The following PITPNC1 variants were observed in gnomAD, a reference collection of about 807,000 sequenced individuals.
PITPNC1 encodes cytoplasmic phosphatidylinositol transfer protein 1.
A neutral mutation model predicts 44.7 loss-of-function variants in PITPNC1; 18 were observed. That is an observed-to-expected ratio of 0.40 (90% confidence interval 0.28 to 0.60). The LOEUF is 0.60. PITPNC1 is among the 20% of genes least tolerant of loss of function. PITPNC1 has a pLI of 0.39. For synonymous variants in PITPNC1, 141 were observed against 149.6 expected, an observed-to-expected ratio of 0.94 and a Z score of 0.42; for missense variants, 290 against 418.4, an observed-to-expected ratio of 0.69 and a Z score of 2.68.
At chr17:67,631,657 A>AAAAAATATATATATATAT (rs1555574522) in intron 5 of PITPNC1, among the ~76,000 whole-genome samples, 8 of 7,680 alleles carry the variant, frequency 1.0e-3, no homozygotes, top group Admixed American at 2.2e-3. Flanking sequence ...AAAAAAAAAA[A>AAAAAATATATATATATAT]ATATATATAT....
chr17:67,655,744 G>A (rs995721670), intron 6 of PITPNC1, among the ~76,000 whole-genome samples: 2 of 151,830 alleles, frequency 1.3e-5, no homozygotes, highest in Admixed American at 6.6e-5. Context: ...GACCAACATG[G>A]GCAACATAAT....
At position 67,378,106 on chromosome 17, in the gene PITPNC1, T is replaced by TG; in HGVS notation, c.-44dup. 2.1e-6 allele frequency: 3 copies of TG among 1,410,872 alleles called. No individual in the cohort carries two copies. The highest frequency in any genetic ancestry group is 2.6e-5 in the South Asian group (2 of 77,184). 87.4% of individuals were successfully genotyped at this position (1,410,872 alleles called of 1,614,324 possible). On this transcript the variant is annotated 5_prime_UTR_variant, in exon 1 of 9. Transcript: ENST00000581322. The stretch of plus-strand genomic sequence containing the variant: ...GCCTGGGCAGCAGCCTTGCTGGTCT[T>TG]GGGGGCGCCCCCCGCTTCCCGCCCC...
In PITPNC1 at chr17:67,660,446, A is replaced by G. The variant is rs181667890; in HGVS notation, c.463-9062A>G. Among the ~76,000 whole-genome samples, 683 of 152,258 alleles carry G rather than the reference A, an allele frequency of 4.5e-3. 2 individuals carry two copies. Among genetic ancestry groups the G allele is most frequent in the Non-Finnish European group, 5.9e-3 (401 of 68,030 alleles). ...GGAAATGCAATAATGGCTAACATCA[A>G]TTGAGCACTTGCTACGGGCCAGGCC... is the stretch of plus-strand genomic sequence containing the variant. On this transcript the variant is annotated intron_variant, in intron 6 of 8. Coordinates refer to ENST00000581322, the MANE Select transcript of PITPNC1 (RefSeq NM_012417.4).
intron 4 of PITPNC1, among the ~76,000 whole-genome samples, chr17:67,555,301 G>A (rs940497970): frequency 6.6e-6 from 1 of 152,122 alleles, no homozygotes; most frequent in Non-Finnish European, 1.5e-5. Flanking sequence ...TTTCTGTTTT[G>A]TGAGTCATAT....
intron 1 of PITPNC1, among the ~76,000 whole-genome samples, chr17:67,465,371 G>C (rs2039410366): frequency 6.6e-6 from 1 of 152,190 alleles, no homozygotes; most frequent in Non-Finnish European, 1.5e-5. Flanking sequence ...AATGCACTAA[G>C]GAAATACAGT....
At chr17:67,668,601 C>T (rs758722457) in intron 6 of PITPNC1, among the ~76,000 whole-genome samples, 1 of 152,104 alleles carries the variant, frequency 6.6e-6, no homozygotes, top group African/African-American at 2.4e-5. Flanking sequence ...CGGTGGCTCA[C>T]ACCTGTAATC....
intron 1 of PITPNC1, among the ~76,000 whole-genome samples, chr17:67,388,872 G>A (rs2038094488): frequency 6.6e-6 from 1 of 152,112 alleles, no homozygotes; most frequent in Non-Finnish European, 1.5e-5. Flanking sequence ...CACCCGCCTC[G>A]GCCTCCCAAA....
chr17:67,509,055 G>A (rs1006170990), intron 1 of PITPNC1, among the ~76,000 whole-genome samples: 5 of 151,792 alleles, frequency 3.3e-5, no homozygotes, highest in Non-Finnish European at 7.4e-5. Context: ...CCAACATGGT[G>A]AAACTCCGTC....
At chr17:67,686,426 A>T (rs2042817075) in intron 8 of PITPNC1, among the ~76,000 whole-genome samples, 1 of 151,986 alleles carries the variant, frequency 6.6e-6, no homozygotes, top group South Asian at 2.1e-4. Flanking sequence ...TTTTATTTTT[A>T]GATCAGTGTG....
chr17:67,646,665 C>T (rs2042153300), intron 6 of PITPNC1, among the ~76,000 whole-genome samples: 1 of 152,120 alleles, frequency 6.6e-6, no homozygotes, highest in South Asian at 2.1e-4. Flanking sequence ...CAGCACATGC[C>T]ACCACACCAG....
rs959952399 is a variant in PITPNC1 at position 67,686,563 on chromosome 17, A to G, written c.683-6009A>G. Among the ~76,000 whole-genome samples, 5 of 152,028 alleles carry G rather than the reference A, an allele frequency of 3.3e-5. No individual in the cohort carries two copies. In the East Asian group the frequency reaches 7.7e-4, roughly 23 times the overall value. Reference sequence around the variant, plus strand: ...TGTGTGCAAGTTGCACCAAATCTCAATTGTACCAGTGAATATCATTGCTCT... The same window carrying G: ...TGTGTGCAAGTTGCACCAAATCTCAGTTGTACCAGTGAATATCATTGCTCT... On this transcript the variant is annotated intron_variant, in intron 8 of 8. Coordinates refer to ENST00000581322, the MANE Select transcript of PITPNC1 (RefSeq NM_012417.4).
At chr17:67,681,177 G>A (rs904026967) in intron 8 of PITPNC1, among the ~76,000 whole-genome samples, 1 of 152,148 alleles carries the variant, frequency 6.6e-6, no homozygotes, top group Non-Finnish European at 1.5e-5. Flanking sequence ...TCCACTTCCT[G>A]TGAAATTAAC....
At chr17:67,583,864 T>TG (rs879292538) in intron 5 of PITPNC1, among the ~76,000 whole-genome samples, 1,250 of 113,188 alleles carry the variant, frequency 0.011, 19 homozygotes, top group Middle Eastern at 0.027. Flanking sequence ...CCTGGCTAAT[T>TG]TTGTGTGTGT....
At chr17:67,483,594 T>G (rs1220439890) in intron 1 of PITPNC1, among the ~76,000 whole-genome samples, 1 of 152,342 alleles carries the variant, frequency 6.6e-6, no homozygotes, top group Non-Finnish European at 1.5e-5. Flanking sequence ...TTGCAGTGTT[T>G]TGGAAAATGT....
intron 1 of PITPNC1, among the ~76,000 whole-genome samples, chr17:67,433,497 A>G (rs771487797): frequency 1.3e-5 from 2 of 152,134 alleles, no homozygotes; most frequent in Non-Finnish European, 2.9e-5. Flanking sequence ...CCAGCACTTT[A>G]GGAGGCCGAG....
intron 6 of PITPNC1, among the ~76,000 whole-genome samples, chr17:67,653,747 CA>C (rs2042234158): frequency 2.6e-5 from 4 of 152,082 alleles, no homozygotes; most frequent in African/African-American, 9.7e-5. Context: ...CCATTTCAAC[CA>C]GGTAAAATTT....
chr17:67,459,113 C>CTTTTT lies in PITPNC1; in HGVS notation c.49-73672_49-73668dup, dbSNP rs886333854. 2.4e-3 allele frequency among the ~76,000 whole-genome samples: 233 copies of CTTTTT among 95,700 alleles called. 2 individuals carry two copies. Among genetic ancestry groups the CTTTTT allele is most frequent in the Middle Eastern group, 6.8e-3 (1 of 146 alleles). The allele number at this position is 95,700 out of a possible 152,430, so 62.8% of individuals were successfully genotyped here. A position where few individuals can be genotyped will look rare whatever the true frequency, so the allele number is the denominator to read the frequency against. ...CTTTGGGGCTTTTTTTTTTCTTTTT[C>CTTTTT]TTTTTTTTTTTTTTTTTTTTTGAGA... On this transcript the variant is annotated intron_variant, in intron 1 of 8. Coordinates refer to ENST00000581322, the MANE Select transcript of PITPNC1 (RefSeq NM_012417.4).
intron 1 of PITPNC1, among the ~76,000 whole-genome samples, chr17:67,381,559 C>T (rs992008593): frequency 2.0e-5 from 3 of 151,032 alleles, no homozygotes; most frequent in Admixed American, 1.3e-4. Flanking sequence ...GTCCACCTCC[C>T]GGGTTCACGC....
At chr17:67,503,643 A>G (rs915643729) in intron 1 of PITPNC1, among the ~76,000 whole-genome samples, 1 of 152,184 alleles carries the variant, frequency 6.6e-6, no homozygotes, top group African/African-American at 2.4e-5. Flanking sequence ...CAGTATCCTA[A>G]TGGGGTACAG....
Sources: gnomAD v4.1 joint callset for allele counts (sites outside exome capture counted in the v4.1 genomes callset) on GRCh38, gnomAD v4.1.1 for gene constraint, MANE v1.5 for transcripts, NCBI Gene and HGNC (gene_info 2026-07-23, HGNC 2026-07-21) for gene names.